The following POLQ variants were observed in gnomAD, a reference collection of about 807,000 sequenced individuals.
POLQ encodes DNA polymerase theta.
In POLQ, 233 loss-of-function variants were observed where a neutral mutation model predicts 259.2. The observed-to-expected ratio is 0.90, with a 90% CI of 0.81 to 1.00. The LOEUF is 1.00. Among genes scored for constraint, POLQ ranks in the 50% least tolerant of loss-of-function variants. The pLI is 0.00. For missense variants in POLQ, 2,871 were observed against 3,051.6 expected (o/e 0.94, Z 1.39); for synonymous variants, 1,025 against 1,048.8 (o/e 0.98, Z 0.44).
At chr3:121,449,873 A>C (rs954519865) in intron 25 of POLQ, among the ~76,000 whole-genome samples, 6 of 151,988 alleles carry the variant, frequency 3.9e-5, no homozygotes, top group African/African-American at 1.2e-4. Context: ...TATGACGAAG[A>C]CTTAACTGGA....
intron 27 of POLQ, 125 bp downstream of exon 27, chr3:121,439,867 T>C (rs1235833299): frequency 1.2e-6 from 1 of 815,070 alleles, no homozygotes; most frequent in Admixed American, 2.3e-5. Context: ...GTTGACGTTG[T>C]CTATACAGAA....
chr3:121,508,400 C>T (rs996418378), intron 12 of POLQ, among the ~76,000 whole-genome samples: 2 of 151,940 alleles, frequency 1.3e-5, no homozygotes, highest in African/African-American at 4.8e-5. Flanking sequence ...GACTATCAGC[C>T]CTGAGGTGGG....
intron 5 of POLQ, among the ~76,000 whole-genome samples, chr3:121,534,067 G>A (rs891346987): frequency 2.7e-5 from 4 of 149,344 alleles, no homozygotes; most frequent in Non-Finnish European, 4.5e-5. Flanking sequence ...TAGTAGAGAC[G>A]GGTTTTCACC....
rs756095551 is a variant in POLQ, at chr3:121,510,136, A to G, written c.1719T>C (p.Asn573=). ...TCGCTCCAAGCTGAACAGACTCTTG[A>G]TTTCTCTGAATTCCTTGCTTCCCTT... ...MKEGKQGIQR[N]QESVQLGAIE... is the part of the protein sequence containing the mutation. Residue 573 remains asparagine, a synonymous_variant, in exon 11 of 30, where the codon AAT becomes AAC. Coordinates refer to ENST00000264233, the MANE Select transcript of POLQ (RefSeq NM_199420.4). 1 of 1,614,020 alleles carries G rather than the reference A, an allele frequency of 6.2e-7. No individual in the cohort carries two copies. The highest frequency in any genetic ancestry group is 1.1e-5 in the South Asian group (1 of 91,082).
At chr3:121,472,438 C>A (rs1022643321) in intron 21 of POLQ, among the ~76,000 whole-genome samples, 1 of 152,100 alleles carries the variant, frequency 6.6e-6, no homozygotes, top group African/African-American at 2.4e-5. Context: ...AACTGCCTCC[C>A]CACACCCGAC....
intron 26 of POLQ, among the ~76,000 whole-genome samples, chr3:121,448,437 G>A (rs1401092230): frequency 6.6e-6 from 1 of 151,586 alleles, no homozygotes; most frequent in African/African-American, 2.4e-5. Context: ...GCGTGATCTC[G>A]GCTCACTGCA....
intron 25 of POLQ, among the ~76,000 whole-genome samples, chr3:121,454,882 C>G (rs1256727718): frequency 6.6e-6 from 1 of 152,148 alleles, no homozygotes; most frequent in Non-Finnish European, 1.5e-5. Context: ...CCAAGCAGAT[C>G]TAATAGACAT....
intron 25 of POLQ, among the ~76,000 whole-genome samples, chr3:121,453,157 C>T (rs995804808): frequency 6.6e-6 from 1 of 152,160 alleles, no homozygotes; most frequent in Non-Finnish European, 1.5e-5. Flanking sequence ...TAGCAAACTC[C>T]AACAGACCTG....
In POLQ at chr3:121,489,361, A is replaced by T; in HGVS notation, c.3570T>A (p.His1190Gln). 1 of 1,613,160 alleles carries T rather than the reference A, an allele frequency of 6.2e-7. No individual in the cohort carries two copies. Among genetic ancestry groups the T allele is most frequent in the Non-Finnish European group, 8.5e-7 (1 of 1,179,716 alleles). ...QNVYMKHHDI[H>Q]PINQYLRKQS... is the part of the protein sequence containing the mutation. ...GCTTTCGCAGGTACTGGTTAATTGG[A>T]TGGATGTCATGGTGTTTCATATAAA... The change falls in exon 16 of 30, where the codon CAT (histidine) becomes CAA (glutamine). Residue 1190 changes from histidine (H) to glutamine (Q), a missense_variant. Physicochemically the swap from His to Gln is conservative, Grantham distance 24. Transcript: ENST00000264233.
intron 2 of POLQ, among the ~76,000 whole-genome samples, chr3:121,544,195 T>C (rs1322524583): frequency 6.6e-6 from 1 of 150,790 alleles, no homozygotes; most frequent in African/African-American, 2.4e-5. Context: ...CTACTAAAAA[T>C]ACAAAAAAGT....
chr3:121,436,565 T>C (rs2047546341), intron 27 of POLQ, among the ~76,000 whole-genome samples: 1 of 152,214 alleles, frequency 6.6e-6, no homozygotes, highest in Non-Finnish European at 1.5e-5. Context: ...TGCACTTAGA[T>C]GTATTTAGCT....
intron 25 of POLQ, among the ~76,000 whole-genome samples, chr3:121,453,414 A>C (rs2047697762): frequency 6.6e-6 from 1 of 152,244 alleles, no homozygotes; most frequent in Non-Finnish European, 1.5e-5. Flanking sequence ...AGTTGAGAGA[A>C]GAAGGCTTCA....
rs3218641 is a variant in POLQ at position 121,490,051 on chromosome 3, A to G, written c.2880T>C (p.Asn960=). The stretch of plus-strand genomic sequence containing the variant: ...AGGAACTTGTATGCTCTCTACTTTT[A>G]TTTAAGTCTTGCACTATATTTGGTG... ...KHSPNIVQDL[N]KSREHTSSFN... is the part of the protein sequence containing the mutation. The change falls in exon 16 of 30, where the codon AAT becomes AAC. Residue 960 remains asparagine (N), a synonymous_variant. Transcript: ENST00000264233. The G allele has an allele frequency of 3.6e-3, 5,678 of 1,573,408 alleles. 150 individuals carry two copies. In the African/African-American group the frequency reaches 0.062, roughly 17 times the overall value.
At chr3:121,545,566 T>C in intron 1 of POLQ, 149 bp downstream of exon 1, 1 of 719,290 alleles carries the variant, frequency 1.4e-6, no homozygotes, top group Non-Finnish European at 2.2e-6. Context: ...GAAAGTGACC[T>C]GCCACACCAG....
intron 26 of POLQ, among the ~76,000 whole-genome samples, chr3:121,443,108 A>G (rs1294018925): frequency 6.6e-6 from 1 of 152,170 alleles, no homozygotes; most frequent in Non-Finnish European, 1.5e-5. Context: ...CACCCGCCTC[A>G]GCCTCCCAGA....
At chr3:121,469,413 A>G (rs1297378661) in intron 22 of POLQ, among the ~76,000 whole-genome samples, 1 of 152,216 alleles carries the variant, frequency 6.6e-6, no homozygotes, top group Non-Finnish European at 1.5e-5. Context: ...CTAGCTATGT[A>G]TAACTCCATT....
At chr3:121,461,391 G>A (rs1002153229) in intron 24 of POLQ, among the ~76,000 whole-genome samples, 1 of 152,132 alleles carries the variant, frequency 6.6e-6, no homozygotes, top group South Asian at 2.1e-4. Context: ...AGTGTCTCAT[G>A]CCTGTAATCC....
chr3:121,434,032 C>T (rs1483658022), intron 28 of POLQ, among the ~76,000 whole-genome samples: 5 of 152,232 alleles, frequency 3.3e-5, no homozygotes, highest in Admixed American at 2.0e-4. Context: ...CTCTGTTCAC[C>T]TGTTCAGCTG....
At chr3:121,468,813 G>A (rs140321800) in intron 22 of POLQ, among the ~76,000 whole-genome samples, 2 of 152,214 alleles carry the variant, frequency 1.3e-5, no homozygotes, top group East Asian at 1.9e-4. Flanking sequence ...AACCACTGAC[G>A]CTTCTAAAAA....
Sources: allele counts gnomAD v4.1 joint callset (sites outside exome capture counted in the v4.1 genomes callset), GRCh38; gene constraint gnomAD v4.1.1; transcripts MANE v1.5; gene names NCBI Gene and HGNC (gene_info 2026-07-23, HGNC 2026-07-21).